The following CATSPERB variants were observed in gnomAD, a reference collection of about 807,000 sequenced individuals.
CATSPERB encodes the protein catsper channel auxiliary subunit beta, also known as cation channel sperm-associated auxiliary subunit beta.
CATSPERB carries 93 observed loss-of-function variants against 128.3 expected under a neutral mutation model. The observed-to-expected ratio is 0.72, with a 90% CI of 0.61 to 0.86. The LOEUF is 0.86. Ranked by LOEUF, CATSPERB falls within the 40% of genes least tolerant of loss-of-function variation. CATSPERB has a pLI of 0.00. For synonymous variants in CATSPERB, 381 were observed against 448.8 expected, an observed-to-expected ratio of 0.85 and a Z score of 1.91; for missense variants, 1,153 against 1,329.5, an observed-to-expected ratio of 0.87 and a Z score of 2.06.
chr14:91,596,686 T>C (rs1336455023), intron 22 of CATSPERB, among the ~76,000 whole-genome samples: 1 of 152,132 alleles, frequency 6.6e-6, no homozygotes, highest in Non-Finnish European at 1.5e-5. Flanking sequence ...TACACTAAGT[T>C]ATATCAGAAT....
rs1178626301 is a variant in CATSPERB at position 91,723,136 on chromosome 14, T to TAGG, written c.221_222insCCT (p.Leu74dup). The TAGG allele has an allele frequency of 1.3e-6, 2 of 1,542,134 alleles. No individual in the cohort carries two copies. The highest frequency in any genetic ancestry group is 2.8e-5 in the African/African-American group (2 of 72,232). ...CAAGTCCTCCTGATGTGAACACACT[T>TAGG]AGCATTGCTTTTGATGCAATTTCAT... On this transcript the variant is annotated inframe_insertion, in exon 4 of 27. Coordinates refer to ENST00000256343, the MANE Select transcript of CATSPERB (RefSeq NM_024764.4).
chr14:91,729,599 T>C lies in CATSPERB; in HGVS notation c.1-120A>G, dbSNP rs976813636. On this transcript the variant is annotated intron_variant, in intron 1 of 26. Transcript: ENST00000256343. ...TCTCAATATTCTTAATATTTCACACTGTGTGACAAAAGCAGACAACACAAC... is the reference window on the plus strand; with the variant it reads ...TCTCAATATTCTTAATATTTCACACCGTGTGACAAAAGCAGACAACACAAC... The C allele has an allele frequency of 1.4e-5, 7 of 516,666 alleles. No homozygotes were observed. In the Admixed American group the frequency reaches 2.4e-4, roughly 18 times the overall value. 32.0% of individuals were successfully genotyped at this position (516,666 alleles called of 1,614,324 possible).
Position 91,731,920 on chromosome 14 carries a change from C to T in CATSPERB, c.-1+10G>A, listed in dbSNP as rs1283669744. On this transcript the variant is annotated intron_variant, in intron 1 of 26. Coordinates refer to ENST00000256343, the MANE Select transcript of CATSPERB (RefSeq NM_024764.4). Reference sequence around the variant, plus strand: ...AGGGTCCTTATTTTAATATTTTTTACTGTAATTACCTCTTTAGGAGATGCG... The same window carrying T: ...AGGGTCCTTATTTTAATATTTTTTATTGTAATTACCTCTTTAGGAGATGCG... The T allele has an allele frequency of 1.3e-5, 2 of 152,502 alleles. No homozygotes were observed. The highest frequency in any genetic ancestry group is 4.8e-5 in the African/African-American group (2 of 41,402). The allele number at this position is 152,502 out of a possible 1,614,324, so 9.4% of individuals were successfully genotyped here.
At chr14:91,591,582 T>G (rs1893403128) in intron 23 of CATSPERB, among the ~76,000 whole-genome samples, 1 of 151,724 alleles carries the variant, frequency 6.6e-6, no homozygotes, top group South Asian at 2.1e-4. Flanking sequence ...CTGGTATATG[T>G]TTTACAGACT....
intron 24 of CATSPERB, among the ~76,000 whole-genome samples, chr14:91,588,794 T>C (rs1743170): frequency 0.85 from 128,706 of 152,202 alleles, 54,629 homozygotes; most frequent in East Asian, 0.96. Context: ...GTTTCCAGCA[T>C]ACCACAGAAA....
At chr14:91,595,686 A>G (rs1379797799) in intron 22 of CATSPERB, among the ~76,000 whole-genome samples, 2 of 152,232 alleles carry the variant, frequency 1.3e-5, no homozygotes, top group Non-Finnish European at 1.5e-5. Context: ...TATTGGCTCC[A>G]TAAGTCAAGT....
At chr14:91,645,724 G>T (rs1366177896) in intron 15 of CATSPERB, among the ~76,000 whole-genome samples, 24 of 140,368 alleles carry the variant, frequency 1.7e-4, no homozygotes, top group Non-Finnish European at 2.2e-4. Context: ...CTTGAGCTGT[G>T]GTGGGCTCCA....
At chr14:91,614,930 C>A (rs553191484) in intron 20 of CATSPERB, among the ~76,000 whole-genome samples, 1 of 152,108 alleles carries the variant, frequency 6.6e-6, no homozygotes, top group African/African-American at 2.4e-5. Flanking sequence ...GTTAACATAG[C>A]CATCACCTTG....
At position 91,696,209 on chromosome 14, in the gene CATSPERB, G is replaced by A. The variant is rs139440486; in HGVS notation, c.617-2730C>T. On this transcript the variant is annotated intron_variant, in intron 7 of 26. Transcript: ENST00000256343. ...GGATTAAGTCTTCTGGAGGGAGAATGTGGTAACTTAAGGAAGGACAGTCAA... is the reference window on the plus strand; with the variant it reads ...GGATTAAGTCTTCTGGAGGGAGAATATGGTAACTTAAGGAAGGACAGTCAA... Among the ~76,000 whole-genome samples the A allele has an allele frequency of 8.6e-3, 1,312 of 152,358 alleles. 10 individuals are homozygous for A. Among genetic ancestry groups the A allele is most frequent in the Middle Eastern group, 0.058 (17 of 294 alleles).
chr14:91,632,824 C>CAT (rs1406745037), intron 17 of CATSPERB, among the ~76,000 whole-genome samples: 1 of 151,662 alleles, frequency 6.6e-6, no homozygotes, highest in Non-Finnish European at 1.5e-5. Flanking sequence ...AAAACACACA[C>CAT]ACACACACAC....
intron 15 of CATSPERB, among the ~76,000 whole-genome samples, chr14:91,658,831 A>G: frequency 6.7e-6 from 1 of 149,994 alleles, no homozygotes; most frequent in Non-Finnish European, 1.5e-5. Context: ...GCCTCAAAAA[A>G]TCTTAATAAA....
intron 22 of CATSPERB, among the ~76,000 whole-genome samples, chr14:91,601,000 G>A (rs1199652957): frequency 6.6e-6 from 1 of 152,176 alleles, no homozygotes; most frequent in Non-Finnish European, 1.5e-5. Flanking sequence ...GAACTAAATG[G>A]TATTTGGCTC....
At chr14:91,596,104 G>C (rs1893500863) in intron 22 of CATSPERB, among the ~76,000 whole-genome samples, 1 of 152,228 alleles carries the variant, frequency 6.6e-6, no homozygotes. Flanking sequence ...CTCTCCATGA[G>C]AGTTCTGAAA....
chr14:91,719,449 A>G lies in CATSPERB; in HGVS notation c.339T>C (p.Asp113=), dbSNP rs1421592797. 1 of 1,612,226 alleles carries G rather than the reference A, an allele frequency of 6.2e-7. No homozygotes were observed. Among genetic ancestry groups the G allele is most frequent in the Admixed American group, 1.7e-5 (1 of 59,846 alleles). The change falls in exon 5 of 27, where the codon GAT becomes GAC. Residue 113 remains aspartate, a synonymous_variant. Coordinates refer to ENST00000256343, the MANE Select transcript of CATSPERB (RefSeq NM_024764.4). ...LFSDRILWLV[D]IPRENITQST... is the part of the protein sequence containing the mutation. ...TTTGTGTGATGTTTTCTCTAGGAAT[A>G]TCAACCAACCACAAAATCCGATCAC...
intron 7 of CATSPERB, among the ~76,000 whole-genome samples, chr14:91,695,516 T>C (rs1895548494): frequency 6.6e-6 from 1 of 152,188 alleles, no homozygotes; most frequent in South Asian, 2.1e-4. Context: ...CACTATTTAA[T>C]GGAGACATCA....
intron 26 of CATSPERB, among the ~76,000 whole-genome samples, chr14:91,583,290 G>A (rs1893239925): frequency 6.6e-6 from 1 of 152,106 alleles, no homozygotes; most frequent in Non-Finnish European, 1.5e-5. Flanking sequence ...ATGGTGGCGG[G>A]TGCCTGTAGT....
intron 4 of CATSPERB, among the ~76,000 whole-genome samples, chr14:91,721,585 C>T (rs1391576204): frequency 6.6e-6 from 1 of 152,088 alleles, no homozygotes. Flanking sequence ...CATGATGGCT[C>T]ATGCCTGTAA....
intron 21 of CATSPERB, 126 bp downstream of exon 21, chr14:91,610,354 A>G (rs577292928): frequency 1.5e-6 from 1 of 681,002 alleles, no homozygotes; most frequent in Admixed American, 3.0e-5. Context: ...CATGAGGATT[A>G]AAAAATAACT....
chr14:91,596,282 C>T (rs1945965603), intron 22 of CATSPERB, among the ~76,000 whole-genome samples: 1 of 152,122 alleles, frequency 6.6e-6, no homozygotes, highest in Admixed American at 6.5e-5. Context: ...CGGCTCACTA[C>T]AAGCTCCGCC....
Sources: gnomAD v4.1 joint callset for allele counts (sites outside exome capture counted in the v4.1 genomes callset) on GRCh38, gnomAD v4.1.1 for gene constraint, MANE v1.5 for transcripts, NCBI Gene and HGNC (gene_info 2026-07-23, HGNC 2026-07-21) for gene names.